The following BMPR1B variants were observed in gnomAD, a reference collection of about 807,000 sequenced individuals.
BMPR1B encodes bone morphogenetic protein receptor type-1B.
In BMPR1B, 12 loss-of-function variants were observed where a neutral mutation model predicts 59.1. That is an observed-to-expected ratio of 0.20 (90% confidence interval 0.13 to 0.33). The LOEUF (loss-of-function observed/expected upper bound fraction) is 0.33. Among genes scored for constraint, BMPR1B ranks in the 10% least tolerant of loss-of-function variants. BMPR1B has a pLI of 1.00. For missense variants in BMPR1B, 550 were observed against 610.9 expected (o/e 0.90, Z 1.05); for synonymous variants, 237 against 207.3 (o/e 1.14, Z -1.23).
Position 94,904,005 on chromosome 4 carries a change from A to T in BMPR1B, c.-113+28105A>T, listed in dbSNP as rs547755380. On this transcript the variant is annotated intron_variant, in intron 2 of 12. Coordinates refer to ENST00000515059, the MANE Select transcript of BMPR1B (RefSeq NM_001203.3). The stretch of plus-strand genomic sequence containing the variant: ...TAGTGAAGTGAATAAATATGTACAC[A>T]TCCCTCTTTTATTTTATAAACCTAC... Among the ~76,000 whole-genome samples the T allele has an allele frequency of 7.7e-4, 117 of 152,172 alleles. 1 individual carries two copies. In the South Asian group the frequency reaches 0.023, roughly 30 times the overall value.
At chr4:95,136,735 C>T (rs997888970) in intron 10 of BMPR1B, among the ~76,000 whole-genome samples, 1 of 152,126 alleles carries the variant, frequency 6.6e-6, no homozygotes, top group African/African-American at 2.4e-5. Context: ...GTTTGTATTT[C>T]TGTGGGATCG....
chr4:95,031,301 A>G (rs936852983), intron 3 of BMPR1B, among the ~76,000 whole-genome samples: 1 of 152,182 alleles, frequency 6.6e-6, no homozygotes, highest in African/African-American at 2.4e-5. Flanking sequence ...GAGAGAGAAT[A>G]TGGCACATTA....
intron 3 of BMPR1B, among the ~76,000 whole-genome samples, chr4:95,042,077 C>T (rs182774477): frequency 6.6e-5 from 10 of 152,146 alleles, no homozygotes; most frequent in Admixed American, 2.6e-4. Flanking sequence ...AGGATGGTCT[C>T]GATCTCCTGA....
intron 3 of BMPR1B, among the ~76,000 whole-genome samples, chr4:95,064,383 C>T (rs535043490): frequency 1.1e-4 from 17 of 152,126 alleles, no homozygotes; most frequent in Admixed American, 5.2e-4. Flanking sequence ...GGAGAGCAAA[C>T]GCTGTTGTGA....
chr4:94,941,321 A>G (rs1474838590), intron 2 of BMPR1B, among the ~76,000 whole-genome samples: 7 of 151,526 alleles, frequency 4.6e-5, no homozygotes, highest in African/African-American at 1.7e-4. Flanking sequence ...AGTCCCAGCT[A>G]CCCGGGAGGC....
Position 95,062,037 on chromosome 4 carries a change from C to T in BMPR1B, c.-17-42371C>T, listed in dbSNP as rs766789940. ...GCTTGCTTCCCCTTTGCCCTTCCAC[C>T]GTAATTGTGAGTTTCCTGAGGCCTC... On this transcript the variant is annotated intron_variant, in intron 3 of 12. Transcript: ENST00000515059. Among the ~76,000 whole-genome samples the T allele has an allele frequency of 8.5e-4, 130 of 152,268 alleles. 1 individual carries two copies. The highest frequency in any genetic ancestry group is 1.5e-4 in the Non-Finnish European group (10 of 68,020).
chr4:95,058,838 A>G (rs1181301679), intron 3 of BMPR1B, among the ~76,000 whole-genome samples: 3 of 152,208 alleles, frequency 2.0e-5, no homozygotes, highest in Non-Finnish European at 2.9e-5. Flanking sequence ...AGATCTGAAG[A>G]AATTAATAAA....
chr4:95,045,837 A>T (rs1228533454), intron 3 of BMPR1B, among the ~76,000 whole-genome samples: 1 of 152,142 alleles, frequency 6.6e-6, no homozygotes, highest in Non-Finnish European at 1.5e-5. Flanking sequence ...CATTCAGTAG[A>T]CACGATCCCC....
intron 10 of BMPR1B, among the ~76,000 whole-genome samples, chr4:95,135,361 A>G (rs921868046): frequency 3.2e-4 from 49 of 152,124 alleles, no homozygotes; most frequent in African/African-American, 3.4e-4. Context: ...TTTTGGTTCC[A>G]TATAAACTTT....
intron 2 of BMPR1B, among the ~76,000 whole-genome samples, chr4:94,889,875 A>G (rs1214940756): frequency 7.2e-5 from 11 of 151,988 alleles, no homozygotes; most frequent in Non-Finnish European, 1.5e-5. Context: ...TAAACACACC[A>G]AATTTGTCTG....
chr4:95,003,787 T>C (rs1363417139), intron 3 of BMPR1B, among the ~76,000 whole-genome samples: 1 of 146,842 alleles, frequency 6.8e-6, no homozygotes, highest in African/African-American at 2.5e-5. Flanking sequence ...AACTTGGATA[T>C]GACCAAAGTC....
intron 2 of BMPR1B, among the ~76,000 whole-genome samples, chr4:94,972,076 A>G (rs1730812171): frequency 6.6e-6 from 1 of 151,670 alleles, no homozygotes; most frequent in Non-Finnish European, 1.5e-5. Context: ...TATCATTGCA[A>G]ATTATAGTAT....
intron 2 of BMPR1B, among the ~76,000 whole-genome samples, chr4:94,924,238 A>G (rs1357371982): frequency 2.0e-5 from 3 of 152,128 alleles, no homozygotes; most frequent in Admixed American, 6.6e-5. Context: ...TTTATTGTTT[A>G]TGTGATTTTC....
At chr4:94,928,689 T>C (rs1578812807) in intron 2 of BMPR1B, among the ~76,000 whole-genome samples, 1 of 151,884 alleles carries the variant, frequency 6.6e-6, no homozygotes, top group South Asian at 2.1e-4. Context: ...GCCTGAGATA[T>C]GAAAACATGT....
intron 2 of BMPR1B, among the ~76,000 whole-genome samples, chr4:94,886,649 A>G (rs1286238190): frequency 6.6e-6 from 1 of 152,188 alleles, no homozygotes; most frequent in Non-Finnish European, 1.5e-5. Context: ...TATGAAATTA[A>G]TTTACCACTA....
chr4:95,124,157 G>T (rs1450944533), intron 7 of BMPR1B, among the ~76,000 whole-genome samples: 1 of 151,942 alleles, frequency 6.6e-6, no homozygotes, highest in Non-Finnish European at 1.5e-5. Context: ...GGAAACTAGG[G>T]TAGTTAGAGA....
intron 2 of BMPR1B, among the ~76,000 whole-genome samples, chr4:94,936,575 A>G (rs1729308473): frequency 6.6e-6 from 1 of 152,166 alleles, no homozygotes; most frequent in Non-Finnish European, 1.5e-5. Flanking sequence ...TTTGAAAGAC[A>G]TTGGGAGATT....
chr4:95,026,098 A>ATTTATTTATTTATTTC (rs1553928440), intron 3 of BMPR1B, among the ~76,000 whole-genome samples: 1 of 101,622 alleles, frequency 9.8e-6, no homozygotes, highest in African/African-American at 3.6e-5. Flanking sequence ...GCTTTCTTTC[A>ATTTATTTATTTATTTC]TTTCTTTCTT....
chr4:94,944,158 C>T (rs114058949), intron 2 of BMPR1B, among the ~76,000 whole-genome samples: 4,399 of 152,180 alleles, frequency 0.029, 200 homozygotes, highest in African/African-American at 0.1. Flanking sequence ...CCCAAGATTT[C>T]TCATATTTGC....
Sources: gnomAD v4.1 joint callset for allele counts (sites outside exome capture counted in the v4.1 genomes callset) on GRCh38, gnomAD v4.1.1 for gene constraint, MANE v1.5 for transcripts, NCBI Gene and HGNC (gene_info 2026-07-23, HGNC 2026-07-21) for gene names.